The following IL1RAPL1 variants were observed in gnomAD, a reference collection of about 807,000 sequenced individuals.
IL1RAPL1 encodes interleukin-1 receptor accessory protein-like 1.
IL1RAPL1 carries 3 observed loss-of-function variants against 48.4 expected under a neutral mutation model. That is an observed-to-expected ratio of 0.06 (90% CI 0.03 to 0.16). The LOEUF is 0.16. Among genes scored for constraint, IL1RAPL1 ranks in the 10% least tolerant of loss-of-function variants. IL1RAPL1 has a pLI of 1.00. For synonymous variants in IL1RAPL1, 185 were observed against 187.7 expected (o/e 0.99, Z 0.12); for missense variants, 349 against 530.6 (o/e 0.66, Z 3.36).
chrX:29,032,172 T>A (rs1359551202), intron 2 of IL1RAPL1, among the ~76,000 whole-genome samples: 3 of 112,091 alleles, frequency 2.7e-5, no homozygotes, highest in Admixed American at 9.5e-5. Flanking sequence ...TGTACCACTT[T>A]AGAGGGCAAT....
intron 3 of IL1RAPL1, among the ~76,000 whole-genome samples, chrX:29,304,272 G>A (rs971573934): frequency 6.4e-5 from 7 of 108,572 alleles, no homozygotes; most frequent in Admixed American, 2.0e-4. Flanking sequence ...TTTTTTTTCT[G>A]ATTCTAAATA....
At chrX:29,235,137 T>C (rs964165119) in intron 2 of IL1RAPL1, among the ~76,000 whole-genome samples, 2 of 112,043 alleles carry the variant, frequency 1.8e-5, no homozygotes, top group East Asian at 2.8e-4. Flanking sequence ...AATACATAGT[T>C]CTCGAGTTTG....
intron 2 of IL1RAPL1, among the ~76,000 whole-genome samples, chrX:29,217,028 T>C (rs1005884507): frequency 4.5e-5 from 5 of 111,498 alleles, no homozygotes; most frequent in African/African-American, 1.3e-4. Context: ...AGTCATGCTG[T>C]GGTCACTTTT....
intron 3 of IL1RAPL1, among the ~76,000 whole-genome samples, chrX:29,385,863 A>G (rs1303426163): frequency 8.9e-6 from 1 of 111,782 alleles, no homozygotes; most frequent in Non-Finnish European, 1.9e-5. Context: ...AATACCTAGG[A>G]GAGGTGTTGT....
chrX:29,330,193 G>A (rs1202122082), intron 3 of IL1RAPL1, among the ~76,000 whole-genome samples: 1 of 112,102 alleles, frequency 8.9e-6, no homozygotes, highest in African/African-American at 3.2e-5. Context: ...CATTAAAGCT[G>A]TTTTAAAAAA....
intron 5 of IL1RAPL1, among the ~76,000 whole-genome samples, chrX:29,500,554 C>G (rs146264024): frequency 0.038 from 4,200 of 111,901 alleles, 88 homozygotes; most frequent in Middle Eastern, 0.074. Context: ...GTTAATTTCA[C>G]TTACTAATGA....
chrX:28,714,643 G>A (rs1935481529), intron 1 of IL1RAPL1, among the ~76,000 whole-genome samples: 1 of 111,741 alleles, frequency 8.9e-6, no homozygotes, highest in Non-Finnish European at 1.9e-5. Flanking sequence ...TCTTACATAA[G>A]GAAAGAGCCT....
chrX:29,670,991 G>GT (rs1234508956), intron 6 of IL1RAPL1, among the ~76,000 whole-genome samples: 1 of 111,733 alleles, frequency 8.9e-6, no homozygotes, highest in African/African-American at 3.3e-5. Flanking sequence ...CCAAACTCTT[G>GT]TAAGAGTTAC....
chrX:29,859,810 G>T (rs180825487), intron 6 of IL1RAPL1, among the ~76,000 whole-genome samples: 1 of 111,146 alleles, frequency 9.0e-6, no homozygotes, highest in Admixed American at 9.6e-5. Context: ...ACACAGAAAG[G>T]GTCCTTAAAA....
At chrX:29,478,897 C>T (rs1935006246) in intron 5 of IL1RAPL1, among the ~76,000 whole-genome samples, 1 of 110,878 alleles carries the variant, frequency 9.0e-6, no homozygotes, top group Non-Finnish European at 1.9e-5. Flanking sequence ...GTCCTCACAC[C>T]CTTCACTGTC....
Position 28,727,163 on chromosome X carries a change from G to T in IL1RAPL1, c.-24-62157G>T, listed in dbSNP as rs764865001. ...TCACGATATTGATTCTTCCTACCCA[G>T]GAGCATGGAATGTTCTTCCATTTGT... is the stretch of plus-strand genomic sequence containing the variant. On this transcript the variant is annotated intron_variant, in intron 1 of 10. Coordinates refer to ENST00000378993, the MANE Select transcript of IL1RAPL1 (RefSeq NM_014271.4). Among the ~76,000 whole-genome samples, 932 of 110,924 alleles carry T rather than the reference G, an allele frequency of 8.4e-3. 11 individuals carry two copies. The highest frequency in any genetic ancestry group is 0.029 in the African/African-American group (885 of 30,383).
chrX:28,593,919 G>C (rs1240687618), intron 1 of IL1RAPL1, among the ~76,000 whole-genome samples: 1 of 110,860 alleles, frequency 9.0e-6, no homozygotes, highest in Non-Finnish European at 1.9e-5. Flanking sequence ...CTTAGTCATA[G>C]TTATACTTTC....
chrX:29,834,058 A>G (rs1930937328), intron 6 of IL1RAPL1, among the ~76,000 whole-genome samples: 2 of 112,043 alleles, frequency 1.8e-5, no homozygotes, highest in Admixed American at 1.9e-4. Flanking sequence ...TGTTTGCAGT[A>G]ATTCCATAGA....
intron 6 of IL1RAPL1, among the ~76,000 whole-genome samples, chrX:29,833,195 A>T (rs1930921025): frequency 8.9e-6 from 1 of 111,988 alleles, no homozygotes; most frequent in African/African-American, 3.2e-5. Context: ...AAAATAATGT[A>T]ATATTCAGAT....
At chrX:28,730,183 A>C (rs933576212) in intron 1 of IL1RAPL1, among the ~76,000 whole-genome samples, 1 of 111,518 alleles carries the variant, frequency 9.0e-6, no homozygotes, top group East Asian at 2.8e-4. Context: ...GAAGAACTTT[A>C]ATATTGAAGG....
intron 3 of IL1RAPL1, among the ~76,000 whole-genome samples, chrX:29,347,683 T>A (rs1014262180): frequency 6.3e-5 from 7 of 111,548 alleles, no homozygotes; most frequent in Non-Finnish European, 1.3e-4. Context: ...AGCTACCATG[T>A]CCAGCCGTTT....
At chrX:28,937,767 A>G (rs1282440555) in intron 2 of IL1RAPL1, among the ~76,000 whole-genome samples, 4 of 111,662 alleles carry the variant, frequency 3.6e-5, no homozygotes, top group African/African-American at 9.7e-5. Flanking sequence ...TTCTATATCT[A>G]GAAAACCCTA....
At chrX:29,881,282 T>C (rs369665734) in intron 6 of IL1RAPL1, among the ~76,000 whole-genome samples, 1 of 111,260 alleles carries the variant, frequency 9.0e-6, no homozygotes, top group East Asian at 2.8e-4. Flanking sequence ...GGACACTGAA[T>C]TGATCAAATT....
intron 2 of IL1RAPL1, among the ~76,000 whole-genome samples, chrX:28,827,955 A>C (rs1392199596): frequency 3.6e-5 from 4 of 111,607 alleles, no homozygotes; most frequent in Admixed American, 9.5e-5. Context: ...TAATTTTGCA[A>C]ATGTCTTGAA....
Sources: gnomAD v4.1 joint callset for allele counts (sites outside exome capture counted in the v4.1 genomes callset) on GRCh38, gnomAD v4.1.1 for gene constraint, MANE v1.5 for transcripts, NCBI Gene and HGNC (gene_info 2026-07-23, HGNC 2026-07-21) for gene names.